Variants in LRBA observed in about 807,000 individuals in gnomAD.
The protein encoded by LRBA is lipopolysaccharide-responsive and beige-like anchor protein.
LRBA carries 176 observed loss-of-function variants against 330.0 expected under a neutral mutation model. That is an observed-to-expected ratio of 0.53 (90% CI 0.47 to 0.60). The LOEUF is 0.60. Among genes scored for constraint, LRBA ranks in the 20% least tolerant of loss-of-function variants. The probability of loss-of-function intolerance (pLI) is 0.00; values close to 1 mark genes in which losing one functional copy is unlikely to be tolerated. For synonymous variants in LRBA, 1,230 were observed against 1,193.0 expected, an observed-to-expected ratio of 1.03 and a Z score of -0.64; for missense variants, 3,259 against 3,444.8, an observed-to-expected ratio of 0.95 and a Z score of 1.35.
At chr4:150,691,308 T>C (rs985759689) in intron 36 of LRBA, among the ~76,000 whole-genome samples, 1 of 152,110 alleles carries the variant, frequency 6.6e-6, no homozygotes, top group Non-Finnish European at 1.5e-5. Flanking sequence ...AACATACATC[T>C]AAATGACAAA....
At chr4:150,335,664 G>T (rs1734629749) in intron 48 of LRBA, among the ~76,000 whole-genome samples, 1 of 151,830 alleles carries the variant, frequency 6.6e-6, no homozygotes, top group African/African-American at 2.4e-5. Flanking sequence ...ACAGGGCCTG[G>T]CTAGGGTTAA....
chr4:150,943,029 C>A (rs1405187250), intron 2 of LRBA, among the ~76,000 whole-genome samples: 4 of 152,114 alleles, frequency 2.6e-5, no homozygotes, highest in Non-Finnish European at 5.9e-5. Context: ...TAGTCGAAAT[C>A]TCCTCTCATT....
At chr4:150,459,729 G>A (rs574855737) in intron 44 of LRBA, among the ~76,000 whole-genome samples, 1 of 151,996 alleles carries the variant, frequency 6.6e-6, no homozygotes, top group African/African-American at 2.4e-5. Flanking sequence ...GCCAGACAAT[G>A]TAATTTATAT....
intron 40 of LRBA, among the ~76,000 whole-genome samples, chr4:150,527,998 C>T (rs906310485): frequency 6.6e-6 from 1 of 152,144 alleles, no homozygotes; most frequent in Non-Finnish European, 1.5e-5. Context: ...TAATTCCTTT[C>T]TTTTTAAACT....
intron 2 of LRBA, among the ~76,000 whole-genome samples, chr4:150,994,683 T>G (rs571983378): frequency 6.6e-6 from 1 of 152,204 alleles, no homozygotes; most frequent in East Asian, 1.9e-4. Flanking sequence ...GCCACAAATT[T>G]TAACAAAGAC....
intron 40 of LRBA, among the ~76,000 whole-genome samples, chr4:150,574,991 G>A (rs373930861): frequency 1.8e-4 from 27 of 151,926 alleles, no homozygotes; most frequent in African/African-American, 5.8e-4. Flanking sequence ...GGATCTAAAC[G>A]TACTAACCTC....
intron 36 of LRBA, among the ~76,000 whole-genome samples, chr4:150,694,000 A>G (rs1784389346): frequency 6.6e-6 from 1 of 152,186 alleles, no homozygotes; most frequent in Admixed American, 6.5e-5. Flanking sequence ...CAAGTTTTGT[A>G]TTTAAAACCT....
intron 55 of LRBA, among the ~76,000 whole-genome samples, chr4:150,280,961 A>G (rs1747424759): frequency 6.6e-6 from 1 of 152,236 alleles, no homozygotes; most frequent in Admixed American, 6.5e-5. Flanking sequence ...TTAAGCCTAA[A>G]ATCCAGTGGG....
chr4:150,760,096 A>G, intron 35 of LRBA, among the ~76,000 whole-genome samples: 1 of 152,202 alleles, frequency 6.6e-6, no homozygotes, highest in East Asian at 1.9e-4. Flanking sequence ...ATTAAGCAGA[A>G]CATTTGTGTA....
intron 2 of LRBA, among the ~76,000 whole-genome samples, chr4:150,995,435 T>A (rs149738540): frequency 7.5e-4 from 113 of 151,496 alleles, no homozygotes; most frequent in African/African-American, 2.3e-3. Flanking sequence ...TAATCAGATA[T>A]ATAATATAAA....
At chr4:150,511,258 C>T (rs1382427113) in intron 40 of LRBA, among the ~76,000 whole-genome samples, 1 of 152,176 alleles carries the variant, frequency 6.6e-6, no homozygotes, top group Non-Finnish European at 1.5e-5. Context: ...GAGCCATAAA[C>T]ACCATGTAAG....
chr4:150,734,686 A>T (rs1197883342), intron 36 of LRBA, among the ~76,000 whole-genome samples: 1 of 152,184 alleles, frequency 6.6e-6, no homozygotes. Context: ...TTTCTTATAC[A>T]TGTTCAGGCA....
chr4:150,372,419 G>C, intron 47 of LRBA, among the ~76,000 whole-genome samples: 1 of 151,868 alleles, frequency 6.6e-6, no homozygotes, highest in East Asian at 1.9e-4. Flanking sequence ...AGACCAGCCT[G>C]AGCAACATGG....
intron 2 of LRBA, among the ~76,000 whole-genome samples, chr4:150,932,985 C>T (rs1734676220): frequency 6.6e-6 from 1 of 151,932 alleles, no homozygotes; most frequent in Non-Finnish European, 1.5e-5. Context: ...ATTTTTGAAA[C>T]AGCAATCAAA....
At chr4:150,739,503 C>G (rs908315561) in intron 35 of LRBA, among the ~76,000 whole-genome samples, 1 of 152,196 alleles carries the variant, frequency 6.6e-6, no homozygotes, top group African/African-American at 2.4e-5. Flanking sequence ...AAGCTGACCA[C>G]TGACTTTCCT....
intron 47 of LRBA, among the ~76,000 whole-genome samples, chr4:150,406,031 G>A (rs1398172255): frequency 6.6e-6 from 1 of 152,040 alleles, no homozygotes; most frequent in African/African-American, 2.4e-5. Context: ...CTCTAGCCTG[G>A]GTGACAGAGT....
At chr4:150,989,624 C>T (rs1741848150) in intron 2 of LRBA, among the ~76,000 whole-genome samples, 1 of 151,918 alleles carries the variant, frequency 6.6e-6, no homozygotes, top group African/African-American at 2.4e-5. Flanking sequence ...AAAAAAAGAA[C>T]TCTATGAGAT....
In LRBA at chr4:150,852,005, A is replaced by T; in HGVS notation, c.3705T>A (p.Ala1235=). The T allele has an allele frequency of 6.2e-7, 1 of 1,614,182 alleles. No individual in the cohort carries two copies. Among genetic ancestry groups the T allele is most frequent in the Non-Finnish European group, 8.5e-7 (1 of 1,180,022 alleles). Residue 1235 remains alanine, a synonymous_variant, in exon 23 of 57, where the codon GCT becomes GCA. Coordinates refer to ENST00000651943, the MANE Select transcript of LRBA (RefSeq NM_001364905.1). The part of the protein sequence containing the change: ...INDCHGSVSE[A]SSEQKIAKLD... ...ACTTCGCAATCTTTTGCTCAGAAGA[A>T]GCCTCAGAGACACTACCATGACAAT...
intron 17 of LRBA, among the ~76,000 whole-genome samples, chr4:150,892,439 C>T (rs139633540): frequency 1.4e-3 from 214 of 152,232 alleles, no homozygotes; most frequent in African/African-American, 4.6e-3. Flanking sequence ...CGAGAGAGCT[C>T]ACTCATGCTC....
Sources: allele counts gnomAD v4.1 joint callset (sites outside exome capture counted in the v4.1 genomes callset), GRCh38; gene constraint gnomAD v4.1.1; transcripts MANE v1.5; gene names NCBI Gene and HGNC (gene_info 2026-07-23, HGNC 2026-07-21).